NLRP1: variants seen among roughly 807,000 people sequenced by gnomAD.
NLRP1 encodes the protein NACHT, LRR and PYD domains-containing protein 1.
Under a neutral mutation model 136.7 loss-of-function variants are expected in NLRP1, and 94 were observed. The ratio of observed to expected loss-of-function variants is 0.69; its 90% CI spans 0.58 to 0.82. NLRP1 has a LOEUF of 0.82. NLRP1 is among the 40% of genes least tolerant of loss of function. The pLI is 0.00. For missense variants in NLRP1, 1,575 were observed against 1,802.7 expected (o/e 0.87, Z 2.29); for synonymous variants, 690 against 725.1 (o/e 0.95, Z 0.78).
At chr17:5,516,808 T>C (rs1175448510) in intron 15 of NLRP1, among the ~76,000 whole-genome samples, 1 of 152,186 alleles carries the variant, frequency 6.6e-6, no homozygotes, top group Non-Finnish European at 1.5e-5. Flanking sequence ...CAGGATTCAG[T>C]AAAGCCCATC....
At chr17:5,536,445 CTTTT>C (rs773821415) in intron 8 of NLRP1, among the ~76,000 whole-genome samples, 6 of 77,768 alleles carry the variant, frequency 7.7e-5, no homozygotes, top group African/African-American at 2.7e-4. Flanking sequence ...CCATGCCCGG[CTTTT>C]TTTTTTTTTT....
At chr17:5,515,575 T>C (rs2151733492) in intron 15 of NLRP1, 58 bp from the exon 16 acceptor site, 1 of 1,310,270 alleles carries the variant, frequency 7.6e-7, no homozygotes, top group Non-Finnish European at 1.1e-6. Context: ...TTAACACACA[T>C]GGTACACCTC....
intron 15 of NLRP1, among the ~76,000 whole-genome samples, chr17:5,507,533 A>G (rs1245372413): frequency 2.0e-5 from 3 of 152,186 alleles, no homozygotes; most frequent in South Asian, 4.1e-4. Context: ...TGCCTCTACT[A>G]AAACTACAAA....
chr17:5,520,514 G>A (rs978409838), intron 14 of NLRP1, among the ~76,000 whole-genome samples: 2 of 152,102 alleles, frequency 1.3e-5, no homozygotes, highest in African/African-American at 4.8e-5. Flanking sequence ...ACCCTTTACT[G>A]AGACACCCCA....
chr17:5,508,211 T>A (rs1907453982), intron 15 of NLRP1, among the ~76,000 whole-genome samples: 1 of 151,890 alleles, frequency 6.6e-6, no homozygotes, highest in East Asian at 1.9e-4. Flanking sequence ...GGCAGGAGAA[T>A]CACTTGAACC....
At chr17:5,518,264 A>T (rs1478418207) in intron 14 of NLRP1, 1 of 186,364 alleles carries the variant, frequency 5.4e-6, no homozygotes, top group Non-Finnish European at 1.1e-5. Context: ...CCCCTTTCCT[A>T]AATCCCAGCT....
rs776467248 is a variant in NLRP1, at chr17:5,539,591, G to A, written c.2700-6C>T. On this transcript the variant is annotated splice_polypyrimidine_tract_variant and splice_region_variant and intron_variant, in intron 6 of 16. Transcript: ENST00000572272. The stretch of plus-strand genomic sequence containing the variant: ...TGAGGCCACAGCTGACCAGCCTGCA[G>A]GAAAGATACACGCCAGCCCAGGTCA... 6.2e-7 allele frequency: 1 copy of A among 1,605,992 alleles called. No individual in the cohort carries two copies. Among genetic ancestry groups the A allele is most frequent in the South Asian group, 1.1e-5 (1 of 89,974 alleles).
intron 3 of NLRP1, among the ~76,000 whole-genome samples, chr17:5,572,494 A>T (rs1567669818): frequency 6.6e-6 from 1 of 152,164 alleles, no homozygotes; most frequent in Non-Finnish European, 1.5e-5. Context: ...AGGTGGACAG[A>T]TCACTTGAGG....
rs1911833567 is a variant in NLRP1, at chr17:5,541,266, G to C, written c.2699+591C>G. 3.9e-5 allele frequency among the ~76,000 whole-genome samples: 6 copies of C among 152,112 alleles called. No homozygotes were observed. The South Asian group carries it at 8.3e-4, about 21-fold the overall frequency. On this transcript the variant is annotated intron_variant, in intron 6 of 16. Coordinates refer to ENST00000572272, the MANE Select transcript of NLRP1 (RefSeq NM_033004.4). This position sits in a 1 kb window ranked among gnomAD's most constrained non-coding sequence, Gnocchi z 4.2. ...TCACCATGTTGGCTAGGCTGGTCTG[G>C]AACTCCTGACCTCAAGTGATCTGCC...
At chr17:5,565,506 A>C (rs922177867) in intron 3 of NLRP1, among the ~76,000 whole-genome samples, 11 of 152,116 alleles carry the variant, frequency 7.2e-5, no homozygotes, top group Admixed American at 1.3e-4. Context: ...TTGTTTGTCC[A>C]TGTTTGCTTT....
chr17:5,536,811 G>T (rs201246906), intron 8 of NLRP1, 40 bp downstream of exon 8: 22 of 1,446,426 alleles, frequency 1.5e-5, no homozygotes, highest in Non-Finnish European at 1.9e-5. Flanking sequence ...CTCAGCCCTG[G>T]GCCTGGGTCA....
In NLRP1 at chr17:5,530,491, C is replaced by T; in HGVS notation, c.3510G>A (p.Val1170=). ...TTCCCTGTTGTTTACCTTGGAGAGC[C>T]ACAAAGTGAGGGAGGTGCACAGCTT... ...AVEAVHLPHF[V]ALQGGHVDTS... Residue 1170 remains valine, a synonymous_variant, in exon 12 of 17, where the codon GTG becomes GTA. Transcript: ENST00000572272. 1 of 1,613,924 alleles carries T rather than the reference C, an allele frequency of 6.2e-7. No individual in the cohort carries two copies. The highest frequency in any genetic ancestry group is 8.5e-7 in the Non-Finnish European group (1 of 1,179,914).
chr17:5,560,076 G>T (rs200801888), intron 3 of NLRP1, 33 bp from the exon 4 acceptor site: 2 of 1,503,348 alleles, frequency 1.3e-6, no homozygotes, highest in Non-Finnish European at 1.8e-6. Context: ...GAACATAAAG[G>T]TAGAGAATAG....
chr17:5,556,111 T>TACACA (rs1263822879), intron 4 of NLRP1, among the ~76,000 whole-genome samples: 30 of 131,432 alleles, frequency 2.3e-4, no homozygotes, highest in East Asian at 2.2e-3. Flanking sequence ...TCTGTCTCTC[T>TACACA]CTCTACACAC....
rs546792113 is a variant in NLRP1, at chr17:5,537,087, C to G, written c.2871-147G>C. ...AAGCCAGGCTCTGAGGAGGAGGGTA[C>G]AGTGAGGAGATTCATTAGGGTGTGT... On this transcript the variant is annotated intron_variant, in intron 7 of 16. Coordinates refer to ENST00000572272, the MANE Select transcript of NLRP1 (RefSeq NM_033004.4). The surrounding 1 kb of genome is among the most constrained non-coding windows in gnomAD (Gnocchi z 4.5). 3 of 622,406 alleles carry G rather than the reference C, an allele frequency of 4.8e-6. No homozygotes were observed. The highest frequency in any genetic ancestry group is 8.7e-6 in the Non-Finnish European group (3 of 343,180). 38.6% of individuals were successfully genotyped at this position (622,406 alleles called of 1,614,324 possible).
At chr17:5,560,707 C>G (rs1042761697) in intron 3 of NLRP1, among the ~76,000 whole-genome samples, 2 of 152,224 alleles carry the variant, frequency 1.3e-5, no homozygotes, top group Non-Finnish European at 2.9e-5. Context: ...ACCGCAGCAG[C>G]ATGGAGCCTC....
rs758053344 is a variant in NLRP1, at chr17:5,553,441, C to T, written c.2473G>A (p.Val825Met). 6 of 1,614,188 alleles carry T rather than the reference C, an allele frequency of 3.7e-6. No individual in the cohort carries two copies. The South Asian group carries it at 4.4e-5, about 12-fold the overall frequency. The change falls in exon 5 of 17, where the codon GTG becomes ATG. Residue 825 changes from valine (V) to methionine (M), a missense_variant. Transcript: ENST00000572272. ...CTCAGGGTCTTACAAAGACTCTTCA[C>T]TGCAGAGTGGCTCAGCGAGTTTCCA... Reference protein sequence around the residue: ...LSGNSLSHSAVKSLCKTLRRP... With the variant: ...LSGNSLSHSAMKSLCKTLRRP...
intron 4 of NLRP1, among the ~76,000 whole-genome samples, chr17:5,556,004 G>A (rs1914000432): frequency 6.6e-6 from 1 of 152,072 alleles, no homozygotes; most frequent in Admixed American, 6.5e-5. Context: ...TGAGGCATGA[G>A]AATTGCTTGA....
At chr17:5,552,084 CTTT>C (rs71151872) in intron 5 of NLRP1, among the ~76,000 whole-genome samples, 121 of 96,644 alleles carry the variant, frequency 1.3e-3, no homozygotes, top group African/African-American at 5.5e-3. Flanking sequence ...TCTATCTTTC[CTTT>C]TTTTTTTTTT....
Sources: allele counts gnomAD v4.1 joint callset (sites outside exome capture counted in the v4.1 genomes callset), GRCh38; gene constraint gnomAD v4.1.1; non-coding constraint Gnocchi (gnomAD v3.1); transcripts MANE v1.5; gene names NCBI Gene and HGNC (gene_info 2026-07-23, HGNC 2026-07-21).